PEBP4: variants seen among roughly 807,000 people sequenced by gnomAD.
PEBP4 encodes phosphatidylethanolamine binding protein 4.
Under a neutral mutation model 23.9 loss-of-function variants are expected in PEBP4, and 22 were observed. That is an observed-to-expected ratio of 0.92 (90% confidence interval 0.66 to 1.31). PEBP4 has a LOEUF of 1.31. Among genes scored for constraint, PEBP4 ranks in the 40% most tolerant of loss-of-function variants. The pLI, the probability that PEBP4 is intolerant of heterozygous loss-of-function variation, is 0.00. For missense variants in PEBP4, 324 were observed against 281.7 expected (o/e 1.15, Z -1.07); for synonymous variants, 112 against 99.3 (o/e 1.13, Z -0.76).
chr8:22,803,999 C>G (rs1327042946), intron 4 of PEBP4, among the ~76,000 whole-genome samples: 2 of 152,170 alleles, frequency 1.3e-5, no homozygotes, highest in Non-Finnish European at 2.9e-5. Context: ...CTGTCTTGGG[C>G]CACTCCACAT....
intron 3 of PEBP4, among the ~76,000 whole-genome samples, chr8:22,859,596 T>C (rs1224048850): frequency 6.6e-6 from 1 of 152,128 alleles, no homozygotes; most frequent in Non-Finnish European, 1.5e-5. Flanking sequence ...GTGACGGCTG[T>C]CTAGTAGCCA....
chr8:22,806,614 C>CA (rs55944201), intron 4 of PEBP4, among the ~76,000 whole-genome samples: 23,391 of 85,596 alleles, frequency 0.27, 2,510 homozygotes, highest in East Asian at 0.35. Flanking sequence ...GACTGTGTCT[C>CA]AAAAAAAAAA....
intron 1 of PEBP4, among the ~76,000 whole-genome samples, chr8:22,935,561 T>C (rs918706155): frequency 2.6e-5 from 4 of 152,054 alleles, no homozygotes; most frequent in African/African-American, 9.7e-5. Flanking sequence ...AGCCAAAAAT[T>C]GGAATTCTGA....
chr8:22,857,949 T>G (rs1807690088), intron 3 of PEBP4, among the ~76,000 whole-genome samples: 1 of 152,188 alleles, frequency 6.6e-6, no homozygotes, highest in African/African-American at 2.4e-5. Flanking sequence ...GCATGGTGTG[T>G]TGGGCGATGC....
intron 3 of PEBP4, among the ~76,000 whole-genome samples, chr8:22,893,248 C>T (rs1808529164): frequency 6.6e-6 from 1 of 152,194 alleles, no homozygotes; most frequent in African/African-American, 2.4e-5. Flanking sequence ...AAACGCTGCT[C>T]TTGTCCTATT....
intron 3 of PEBP4, among the ~76,000 whole-genome samples, chr8:22,870,554 C>A (rs1807987376): frequency 6.6e-6 from 1 of 152,156 alleles, no homozygotes; most frequent in Non-Finnish European, 1.5e-5. Context: ...ATGTACAACA[C>A]CAAGAGCGTA....
intron 3 of PEBP4, among the ~76,000 whole-genome samples, chr8:22,889,165 T>A (rs1398149978): frequency 6.6e-6 from 1 of 152,246 alleles, no homozygotes; most frequent in Non-Finnish European, 1.5e-5. Context: ...GGGTTTGACT[T>A]CTGAGAGCCT....
chr8:22,757,769 A>G (rs1388336314), intron 4 of PEBP4: 2 of 152,224 alleles, frequency 1.3e-5, no homozygotes, highest in African/African-American at 4.8e-5. Context: ...TGTGCTGAAA[A>G]CAGAAATCCG....
chr8:22,894,248 T>A (rs1808551689), intron 3 of PEBP4, among the ~76,000 whole-genome samples: 1 of 151,934 alleles, frequency 6.6e-6, no homozygotes, highest in Non-Finnish European at 1.5e-5. Flanking sequence ...GTGGGAAAAG[T>A]AAAGAAAAAT....
chr8:22,938,121 C>T (rs1488784760), intron 1 of PEBP4, among the ~76,000 whole-genome samples: 1 of 152,012 alleles, frequency 6.6e-6, no homozygotes, highest in East Asian at 1.9e-4. Flanking sequence ...TCAAAGGACA[C>T]TATCAAGACA....
chr8:22,838,102 T>C (rs1388352831), intron 3 of PEBP4, among the ~76,000 whole-genome samples: 7 of 152,026 alleles, frequency 4.6e-5, no homozygotes, highest in Non-Finnish European at 8.8e-5. Context: ...GGTCTCCCTG[T>C]GTTGTCCAGG....
intron 4 of PEBP4, among the ~76,000 whole-genome samples, chr8:22,729,904 G>A (rs1804697384): frequency 6.6e-6 from 1 of 152,154 alleles, no homozygotes; most frequent in Non-Finnish European, 1.5e-5. Context: ...AGTCCTGGAG[G>A]GGCTACAATT....
At chr8:22,924,888 T>C in intron 2 of PEBP4, 1 of 985,384 alleles carries the variant, frequency 1.0e-6, no homozygotes, top group Non-Finnish European at 1.2e-6. Context: ...TAACAATGTC[T>C]CACAGCTTGT....
chr8:22,749,375 G>T (rs1330938702), intron 4 of PEBP4, among the ~76,000 whole-genome samples: 1 of 152,164 alleles, frequency 6.6e-6, no homozygotes, highest in East Asian at 1.9e-4. Context: ...TCCCATTGAT[G>T]TAATGTCAGC....
At chr8:22,736,283 A>G (rs763707723) in intron 4 of PEBP4, among the ~76,000 whole-genome samples, 2 of 152,152 alleles carry the variant, frequency 1.3e-5, no homozygotes, top group African/African-American at 2.4e-5. Flanking sequence ...AACACAATAT[A>G]TAGTCTTATT....
intron 3 of PEBP4, among the ~76,000 whole-genome samples, chr8:22,869,565 T>C (rs2128770171): frequency 6.6e-6 from 1 of 152,212 alleles, no homozygotes; most frequent in African/African-American, 2.4e-5. Flanking sequence ...ACCTCTTTCA[T>C]AAGGAGCTGT....
chr8:22,926,108 T>C (rs1222924819), intron 2 of PEBP4, among the ~76,000 whole-genome samples: 2 of 152,044 alleles, frequency 1.3e-5, no homozygotes, highest in Admixed American at 1.3e-4. Context: ...CCTGAGTAGC[T>C]GGGATTACAG....
intron 4 of PEBP4, among the ~76,000 whole-genome samples, chr8:22,807,214 G>GT (rs1184368555): frequency 2.6e-5 from 4 of 152,122 alleles, no homozygotes; most frequent in Admixed American, 1.3e-4. Flanking sequence ...TTGCAGAAGG[G>GT]TTTTTTGTAA....
intron 3 of PEBP4, among the ~76,000 whole-genome samples, chr8:22,848,296 T>C (rs781384647): frequency 4.8e-4 from 73 of 151,776 alleles, no homozygotes; most frequent in Non-Finnish European, 9.1e-4. Context: ...TCCAAGGGAG[T>C]GCAGCTCTTC....
Sources: gnomAD v4.1 joint callset for allele counts (sites outside exome capture counted in the v4.1 genomes callset) on GRCh38, gnomAD v4.1.1 for gene constraint, MANE v1.5 for transcripts, NCBI Gene and HGNC (gene_info 2026-07-23, HGNC 2026-07-21) for gene names.